The following NSUN4 variants were observed in gnomAD, a reference collection of about 807,000 sequenced individuals.
The protein encoded by NSUN4 is 5-cytosine rRNA methyltransferase NSUN4.
NSUN4 carries 31 observed loss-of-function variants against 43.8 expected under a neutral mutation model. The ratio of observed to expected loss-of-function variants is 0.71; its 90% CI spans 0.53 to 0.96. The LOEUF is 0.96. Among genes scored for constraint, NSUN4 ranks in the 40% least tolerant of loss-of-function variants. The probability of loss-of-function intolerance (pLI) is 0.00; values close to 1 mark genes in which losing one functional copy is unlikely to be tolerated. For synonymous variants in NSUN4, 167 were observed against 184.1 expected, an observed-to-expected ratio of 0.91 and a Z score of 0.75; for missense variants, 439 against 475.6, an observed-to-expected ratio of 0.92 and a Z score of 0.72.
chr1:46,349,219 A>C (rs1280101907), intron 3 of NSUN4, among the ~76,000 whole-genome samples: 2 of 148,864 alleles, frequency 1.3e-5, no homozygotes, highest in Non-Finnish European at 3.0e-5. Context: ...GGCTCACTGC[A>C]AACTCCGCCT....
At chr1:46,351,556 T>C (rs1662981531) in intron 3 of NSUN4, among the ~76,000 whole-genome samples, 1 of 151,486 alleles carries the variant, frequency 6.6e-6, no homozygotes, top group Admixed American at 6.6e-5. Flanking sequence ...CTGGGCATGG[T>C]GGCCCACACC....
chr1:46,376,018 G>C, the NSUN4 span, among the ~76,000 whole-genome samples: 1 of 137,486 alleles, frequency 7.3e-6, no homozygotes, highest in African/African-American at 2.7e-5. Flanking sequence ...AGGCAGAATT[G>C]CTTGAACCCA....
At chr1:46,372,039 T>A in the NSUN4 span, among the ~76,000 whole-genome samples, 1 of 152,154 alleles carries the variant, frequency 6.6e-6, no homozygotes, top group Non-Finnish European at 1.5e-5. Flanking sequence ...ATCAGAGTCC[T>A]TCTTTCCTTG....
chr1:46,380,665 A>G, the NSUN4 span, among the ~76,000 whole-genome samples: 1 of 152,332 alleles, frequency 6.6e-6, no homozygotes, highest in South Asian at 2.1e-4. Context: ...GATAGTCACC[A>G]GTGTTATCCC....
chr1:46,347,886 T>A (rs1471704372), intron 3 of NSUN4, among the ~76,000 whole-genome samples: 1 of 150,648 alleles, frequency 6.6e-6, no homozygotes, highest in Non-Finnish European at 1.5e-5. Context: ...TTTTTTTTTC[T>A]CTTTTTTTCG....
At position 46,347,167 on chromosome 1, in the gene NSUN4, G is replaced by C. The variant is rs1260848430; in HGVS notation, c.592+92G>C. The C allele has an allele frequency of 2.2e-6, 3 of 1,343,954 alleles. No homozygotes were observed. The African/African-American group carries it at 4.3e-5, about 19-fold the overall frequency. 83.3% of individuals were successfully genotyped at this position (1,343,954 alleles called of 1,614,324 possible). A position where few individuals can be genotyped will look rare whatever the true frequency, so the allele number is the denominator to read the frequency against. ...AATATGGTAGGTTCGGCCAGGCGCA[G>C]TGGCTCCCGCCTGTAATCCCAGCAC... On this transcript the variant is annotated intron_variant, in intron 3 of 5. Transcript: ENST00000474844.
Position 46,364,130 on chromosome 1 carries a change from C to A in NSUN4, c.*2284C>A, listed in dbSNP as rs1459662749. 1.5e-5 allele frequency: 2 copies of A among 136,690 alleles called. No individual in the cohort carries two copies. Among genetic ancestry groups the A allele is most frequent in the Non-Finnish European group, 3.1e-5 (2 of 64,530 alleles). 8.5% of individuals were successfully genotyped at this position (136,690 alleles called of 1,614,324 possible). ...ATCAGCTTGGACAATGTAGTGAGACCTGGTCTTTACCAAAAAAAAAAAAAA... is the reference window on the plus strand; with the variant it reads ...ATCAGCTTGGACAATGTAGTGAGACATGGTCTTTACCAAAAAAAAAAAAAA... On this transcript the variant is annotated 3_prime_UTR_variant, in exon 6 of 6. Coordinates refer to ENST00000474844, the MANE Select transcript of NSUN4 (RefSeq NM_199044.4).
chr1:46,353,833 T>C (rs1448982885), intron 4 of NSUN4, among the ~76,000 whole-genome samples: 4 of 152,240 alleles, frequency 2.6e-5, no homozygotes, highest in East Asian at 3.9e-4. Context: ...TATTTAATAA[T>C]GTGTCCTGGG....
intron 4 of NSUN4, among the ~76,000 whole-genome samples, chr1:46,356,567 C>G (rs868301445): frequency 1.3e-5 from 2 of 152,178 alleles, no homozygotes; most frequent in Non-Finnish European, 1.5e-5. Flanking sequence ...TGGCGGGCGC[C>G]TGGAATCCCA....
At chr1:46,351,772 C>T (rs1247590104) in intron 3 of NSUN4, among the ~76,000 whole-genome samples, 1 of 145,412 alleles carries the variant, frequency 6.9e-6, no homozygotes, top group African/African-American at 2.6e-5. Flanking sequence ...TCACGCCTTT[C>T]CCCTGCCTCA....
downstream of NSUN4, among the ~76,000 whole-genome samples, chr1:46,368,740 C>T (rs1664191598): frequency 2.0e-5 from 3 of 152,152 alleles, no homozygotes; most frequent in South Asian, 6.2e-4. Context: ...ATCTGAGTGT[C>T]ATTCATCTGC....
Position 46,347,075 on chromosome 1 carries a change from C to A in NSUN4, c.592C>A (p.Arg198Ser). ...AGCGTTGCTTCAGACTGGCTGTTGCCGTAAGTCAGGGTGCTGGTGTGTTGG... is the reference window on the plus strand; with the variant it reads ...AGCGTTGCTTCAGACTGGCTGTTGCAGTAAGTCAGGGTGCTGGTGTGTTGG... The part of the protein sequence containing the change: ...TLALLQTGCC[R>S]NLAANDLSPS... Residue 198 changes from arginine (R) to serine (S), a missense_variant and splice_region_variant, in exon 3 of 6, where the codon CGC becomes AGC. Coordinates refer to ENST00000474844, the MANE Select transcript of NSUN4 (RefSeq NM_199044.4). 6.2e-7 allele frequency: 1 copy of A among 1,613,300 alleles called. No homozygotes were observed. Among genetic ancestry groups the A allele is most frequent in the Non-Finnish European group, 8.5e-7 (1 of 1,179,604 alleles).
Position 46,361,791 on chromosome 1 carries a change from A to G in NSUN4, c.1100A>G (p.Asn367Ser), listed in dbSNP as rs770356182. Residue 367 changes from asparagine to serine, a missense_variant, in exon 6 of 6, where the codon AAC (asparagine) becomes AGC (serine). Coordinates refer to ENST00000474844, the MANE Select transcript of NSUN4 (RefSeq NM_199044.4). ...SCQVGELVIPNLMANFGPMYF... is the reference protein window; with the variant it reads ...SCQVGELVIPSLMANFGPMYF... ...CAGGTTGGGGAGCTGGTAATACCAA[A>G]CCTCATGGCCAATTTTGGCCCCATG... is the stretch of plus-strand genomic sequence containing the variant. 1.2e-6 allele frequency: 2 copies of G among 1,614,110 alleles called. No homozygotes were observed. Among genetic ancestry groups the G allele is most frequent in the Non-Finnish European group, 1.7e-6 (2 of 1,180,020 alleles).
At chr1:46,353,781 G>GTATAT (rs56398401) in intron 4 of NSUN4, among the ~76,000 whole-genome samples, 1 of 151,786 alleles carries the variant, frequency 6.6e-6, no homozygotes, top group Non-Finnish European at 1.5e-5. Flanking sequence ...CCAGCCGGTA[G>GTATAT]TATATTATAT....
At chr1:46,352,334 C>T (rs186278236) in intron 3 of NSUN4, among the ~76,000 whole-genome samples, 6 of 151,998 alleles carry the variant, frequency 3.9e-5, no homozygotes, top group African/African-American at 1.2e-4. Context: ...CACCCATAGT[C>T]CCAGCTACTC....
the NSUN4 span, among the ~76,000 whole-genome samples, chr1:46,385,198 T>C: frequency 6.6e-6 from 1 of 152,250 alleles, no homozygotes. Context: ...CTTGTAGACA[T>C]ATTTATCTAA....
the NSUN4 span, among the ~76,000 whole-genome samples, chr1:46,383,701 C>T: frequency 2.4e-4 from 37 of 152,060 alleles, no homozygotes; most frequent in Non-Finnish European, 4.0e-4. Context: ...ATGATCCGCC[C>T]GCCTCTGCCT....
downstream of NSUN4, among the ~76,000 whole-genome samples, chr1:46,368,802 C>T (rs914255927): frequency 2.6e-5 from 4 of 152,252 alleles, no homozygotes; most frequent in African/African-American, 9.6e-5. Context: ...CCTGTAATCC[C>T]GGCACTTTTG....
At chr1:46,346,808 T>G in intron 2 of NSUN4, 113 bp from the exon 3 acceptor site, 1 of 766,610 alleles carries the variant, frequency 1.3e-6, no homozygotes. Flanking sequence ...GTCTGAAAAA[T>G]GAGTTTTTGG....
Sources: allele counts gnomAD v4.1 joint callset (sites outside exome capture counted in the v4.1 genomes callset), GRCh38; gene constraint gnomAD v4.1.1; transcripts MANE v1.5; gene names NCBI Gene and HGNC (gene_info 2026-07-23, HGNC 2026-07-21).